WNK1: variants seen among roughly 807,000 people sequenced by gnomAD.
The protein encoded by WNK1 is serine/threonine-protein kinase WNK1.
In WNK1, 38 loss-of-function variants were observed where a neutral mutation model predicts 222.8. That is an observed-to-expected ratio of 0.17 (90% CI 0.13 to 0.22). The LOEUF is 0.22. Ranked by LOEUF, WNK1 falls within the 10% of genes least tolerant of loss-of-function variation. The pLI, the probability that WNK1 is intolerant of heterozygous loss-of-function variation, is 1.00. For missense variants in WNK1, 2,348 were observed against 2,918.4 expected (o/e 0.80, Z 4.50); for synonymous variants, 1,090 against 1,092.9 (o/e 1.00, Z 0.05).
intron 2 of WNK1, among the ~76,000 whole-genome samples, chr12:823,251 C>G (rs570620260): frequency 6.6e-6 from 1 of 152,270 alleles, no homozygotes; most frequent in African/African-American, 2.4e-5. Flanking sequence ...TATAGTGTTT[C>G]TCATTGTGGA....
intron 25 of WNK1, among the ~76,000 whole-genome samples, chr12:898,574 T>A (rs369376042): frequency 6.6e-6 from 1 of 151,876 alleles, no homozygotes; most frequent in Non-Finnish European, 1.5e-5. Flanking sequence ...ATATATATAT[T>A]TATTTATTTT....
chr12:822,011 G>A (rs891314285), intron 2 of WNK1, among the ~76,000 whole-genome samples: 3 of 151,000 alleles, frequency 2.0e-5, no homozygotes, highest in African/African-American at 7.3e-5. Context: ...GTTTTTGGTA[G>A]GAGAGTTTAT....
intron 8 of WNK1, among the ~76,000 whole-genome samples, chr12:863,033 ATTTC>A (rs550362086): frequency 2.1e-4 from 32 of 152,250 alleles, no homozygotes; most frequent in Non-Finnish European, 3.8e-4. Context: ...ATAATACCCC[ATTTC>A]TTTTGTTGAC....
rs759764709 is a variant in WNK1 at position 871,312 on chromosome 12, G to A, written c.2187G>A (p.Gly729=). ...AGCCATCCTCAAGTAGCTTAACAGGGGTTTCATCTTCCCAACCCATACAAC... is the reference window on the plus strand; with the variant it reads ...AGCCATCCTCAAGTAGCTTAACAGGAGTTTCATCTTCCCAACCCATACAAC... ...QGQPSSSSLT[G]VSSSQPIQHP... The change falls in exon 9 of 28, where the codon GGG becomes GGA. Residue 729 remains glycine (G), a synonymous_variant. Transcript: ENST00000315939. 11 of 1,614,072 alleles carry A rather than the reference G, an allele frequency of 6.8e-6. No individual in the cohort carries two copies. Among genetic ancestry groups the A allele is most frequent in the African/African-American group, 5.3e-5 (4 of 74,980 alleles).
At position 871,648 on chromosome 12, in the gene WNK1, G is replaced by A. The variant is rs72649878; in HGVS notation, c.2223+300G>A. ...GACAAAGTCTCACTCTGTCACCCAG[G>A]CTGGAGTGCAGTGGTGCAATCTTAG... On this transcript the variant is annotated intron_variant, in intron 9 of 27. Coordinates refer to ENST00000315939, the MANE Select transcript of WNK1 (RefSeq NM_018979.4). Among the ~76,000 whole-genome samples the A allele has an allele frequency of 5.8e-3, 876 of 152,130 alleles. 4 individuals are homozygous for A. The highest frequency in any genetic ancestry group is 6.2e-3 in the Non-Finnish European group (424 of 68,000).
At chr12:867,650 T>G in intron 8 of WNK1, 1 of 567,890 alleles carries the variant, frequency 1.8e-6, no homozygotes. Context: ...AGCTCTTATC[T>G]AAAGCAAAGA....
At chr12:877,794 A>G in intron 9 of WNK1, among the ~76,000 whole-genome samples, 1 of 152,208 alleles carries the variant, frequency 6.6e-6, no homozygotes. Context: ...TAGGGTAAGG[A>G]AAAAAGATTA....
At chr12:802,447 G>A (rs973874965) in intron 1 of WNK1, among the ~76,000 whole-genome samples, 6 of 152,148 alleles carry the variant, frequency 3.9e-5, no homozygotes, top group Non-Finnish European at 2.9e-5. Context: ...TTCCACTTGT[G>A]TGTCAGACAG....
At chr12:770,931 GT>G (rs1486423242) in intron 1 of WNK1, among the ~76,000 whole-genome samples, 1 of 152,088 alleles carries the variant, frequency 6.6e-6, no homozygotes, top group Non-Finnish European at 1.5e-5. Context: ...AAATATTTTG[GT>G]TTATTTCAGA....
intron 1 of WNK1, among the ~76,000 whole-genome samples, chr12:796,771 C>G (rs978116352): frequency 3.3e-5 from 5 of 152,190 alleles, no homozygotes; most frequent in African/African-American, 1.2e-4. Flanking sequence ...TAATCAGCCA[C>G]CTTGTCATCT....
chr12:771,389 A>G (rs963490183), intron 1 of WNK1, among the ~76,000 whole-genome samples: 1 of 152,194 alleles, frequency 6.6e-6, no homozygotes, highest in African/African-American at 2.4e-5. Flanking sequence ...ATACTGAGAA[A>G]TTGGTTAAAT....
intron 1 of WNK1, among the ~76,000 whole-genome samples, chr12:779,693 C>T (rs562973583): frequency 6.6e-5 from 10 of 152,248 alleles, no homozygotes; most frequent in African/African-American, 1.9e-4. Context: ...TGAGCCACCG[C>T]GCCTGGCTCC....
At chr12:781,627 CTT>C (rs1312134782) in intron 1 of WNK1, among the ~76,000 whole-genome samples, 1 of 152,114 alleles carries the variant, frequency 6.6e-6, no homozygotes, top group Non-Finnish European at 1.5e-5. Context: ...TATTTGGTCT[CTT>C]ATTAATAGGC....
intron 1 of WNK1, among the ~76,000 whole-genome samples, chr12:773,814 AT>A (rs200593218): frequency 0.015 from 2,288 of 152,262 alleles, 26 homozygotes; most frequent in Middle Eastern, 0.034. Context: ...TAGTATAAAT[AT>A]TTTTAATAGC....
At chr12:781,939 T>C (rs1281309540) in intron 1 of WNK1, among the ~76,000 whole-genome samples, 3 of 152,176 alleles carry the variant, frequency 2.0e-5, no homozygotes. Flanking sequence ...AATCCAATGA[T>C]TAAAATGAAG....
chr12:856,124 C>T (rs1406861426), intron 4 of WNK1, among the ~76,000 whole-genome samples: 1 of 151,746 alleles, frequency 6.6e-6, no homozygotes, highest in African/African-American at 2.4e-5. Context: ...CAGGTGTGAG[C>T]CACGGCGCCC....
At chr12:772,139 C>T (rs908016115) in intron 1 of WNK1, among the ~76,000 whole-genome samples, 4 of 152,012 alleles carry the variant, frequency 2.6e-5, no homozygotes, top group African/African-American at 7.3e-5. Context: ...AAAACACTCT[C>T]GTTATAAAAA....
intron 4 of WNK1, among the ~76,000 whole-genome samples, chr12:841,962 A>G (rs1443985439): frequency 1.3e-5 from 2 of 152,348 alleles, no homozygotes; most frequent in South Asian, 2.1e-4. Context: ...GGGGGACACA[A>G]ACATTCAGAC....
chr12:878,603 ACTT>A (rs72649885), intron 10 of WNK1, among the ~76,000 whole-genome samples: 165 of 152,190 alleles, frequency 1.1e-3, no homozygotes, highest in African/African-American at 3.8e-3. Context: ...CCAAAGTTTC[ACTT>A]CTAGTCTTAC....
Sources: allele counts gnomAD v4.1 joint callset (sites outside exome capture counted in the v4.1 genomes callset), GRCh38; gene constraint gnomAD v4.1.1; transcripts MANE v1.5; gene names NCBI Gene and HGNC (gene_info 2026-07-23, HGNC 2026-07-21).